Variants in BAZ2B observed in about 807,000 individuals in gnomAD.
BAZ2B encodes the protein bromodomain adjacent to zinc finger domain protein 2B.
Under a neutral mutation model 246.0 loss-of-function variants are expected in BAZ2B, and 91 were observed. The ratio of observed to expected loss-of-function variants is 0.37; its 90% CI spans 0.31 to 0.44. BAZ2B has a LOEUF of 0.44. Ranked by LOEUF, BAZ2B falls within the 20% of genes least tolerant of loss-of-function variation. The pLI, the probability that BAZ2B is intolerant of heterozygous loss-of-function variation, is 1.00. For synonymous variants in BAZ2B, 855 were observed against 860.0 expected (o/e 0.99, Z 0.10); for missense variants, 2,332 against 2,533.7 (o/e 0.92, Z 1.71).
At chr2:159,337,817 GC>G in intron 31 of BAZ2B, 45 bp from the exon 32 acceptor site, 1 of 1,551,116 alleles carries the variant, frequency 6.4e-7, no homozygotes. Flanking sequence ...CTCTTAAAAT[GC>G]TAGGTGGGTG....
chr2:159,443,664 T>C (rs1386467967), intron 6 of BAZ2B, among the ~76,000 whole-genome samples: 1 of 152,188 alleles, frequency 6.6e-6, no homozygotes, highest in Admixed American at 6.5e-5. Flanking sequence ...AGTTCTAGTA[T>C]GCCTCACTTG....
At chr2:159,699,891 T>C in the BAZ2B span, among the ~76,000 whole-genome samples, 1 of 152,222 alleles carries the variant, frequency 6.6e-6, no homozygotes, top group Non-Finnish European at 1.5e-5. Flanking sequence ...GACTGGTATC[T>C]GGTGAGAGCT....
At chr2:159,417,787 C>A (rs2068022193) in intron 13 of BAZ2B, among the ~76,000 whole-genome samples, 1 of 152,110 alleles carries the variant, frequency 6.6e-6, no homozygotes, top group African/African-American at 2.4e-5. Context: ...CCCTAAAGGA[C>A]CACATTTTTA....
chr2:159,710,081 T>C, the BAZ2B span, among the ~76,000 whole-genome samples: 1 of 152,198 alleles, frequency 6.6e-6, no homozygotes, highest in Non-Finnish European at 1.5e-5. Context: ...GGTGTCTAGA[T>C]TGTCTGGAAC....
intron 2 of BAZ2B, among the ~76,000 whole-genome samples, chr2:159,512,345 ACCT>A (rs1464742736): frequency 2.0e-5 from 3 of 152,196 alleles, no homozygotes; most frequent in African/African-American, 7.2e-5. Flanking sequence ...TGGCATTGTC[ACCT>A]CAAAAGTAAG....
At chr2:159,383,488 A>G in intron 24 of BAZ2B, 118 bp downstream of exon 24, 1 of 870,622 alleles carries the variant, frequency 1.1e-6, no homozygotes, top group Non-Finnish European at 1.8e-6. Flanking sequence ...ATCTAAATTG[A>G]GCATTATCTT....
chr2:159,379,087 C>A (rs185516034), intron 25 of BAZ2B, among the ~76,000 whole-genome samples: 2 of 152,170 alleles, frequency 1.3e-5, no homozygotes, highest in East Asian at 1.9e-4. Flanking sequence ...ATGGTGAAAG[C>A]AACCCAAGTG....
At chr2:159,385,565 C>T (rs1005529891) in intron 22 of BAZ2B, among the ~76,000 whole-genome samples, 196 bp from the exon 23 acceptor site, 2 of 151,786 alleles carry the variant, frequency 1.3e-5, no homozygotes, top group African/African-American at 4.8e-5. Flanking sequence ...CTTTCTTTCC[C>T]CGCTTCAAAT....
chr2:159,551,268 A>G (rs6711132), intron 2 of BAZ2B, among the ~76,000 whole-genome samples: 60,722 of 151,558 alleles, frequency 0.4, 12,353 homozygotes, highest in South Asian at 0.59. Context: ...AGGAGATCAA[A>G]ACCATCCTGG....
chr2:159,402,417 T>C (rs2065230613), intron 16 of BAZ2B, among the ~76,000 whole-genome samples: 1 of 152,032 alleles, frequency 6.6e-6, no homozygotes, highest in African/African-American at 2.4e-5. Context: ...GCCACTGAAT[T>C]CCAGCCTGGG....
chr2:159,649,299 G>C, the BAZ2B span, among the ~76,000 whole-genome samples: 4 of 152,054 alleles, frequency 2.6e-5, no homozygotes, highest in African/African-American at 9.6e-5. Context: ...CCATCTGGGG[G>C]TGATGGGAGA....
chr2:159,695,271 T>C, the BAZ2B span: 3 of 152,202 alleles, frequency 2.0e-5, no homozygotes, highest in African/African-American at 2.4e-5. Context: ...TTGTCATATA[T>C]AGGATTTACA....
intron 1 of BAZ2B, among the ~76,000 whole-genome samples, chr2:159,593,639 T>C (rs1012289097): frequency 3.3e-5 from 5 of 152,220 alleles, no homozygotes; most frequent in Non-Finnish European, 5.9e-5. Context: ...TGAAATTTCA[T>C]GCCTTCCCCC....
chr2:159,370,357 G>A (rs1395477757), intron 27 of BAZ2B, among the ~76,000 whole-genome samples: 2 of 144,496 alleles, frequency 1.4e-5, no homozygotes, highest in African/African-American at 2.5e-5. Flanking sequence ...CTGCTCTTAA[G>A]TCTCCTAGGC....
At chr2:159,645,428 T>G in the BAZ2B span, among the ~76,000 whole-genome samples, 51 of 152,118 alleles carry the variant, frequency 3.4e-4, 2 homozygotes, top group African/African-American at 7.2e-5. Flanking sequence ...GGTTTCAGAA[T>G]GAAACTGTTC....
At chr2:159,392,609 T>C (rs1409204487) in intron 20 of BAZ2B, among the ~76,000 whole-genome samples, 5 of 152,066 alleles carry the variant, frequency 3.3e-5, no homozygotes, top group African/African-American at 1.2e-4. Flanking sequence ...TCTTTGACTC[T>C]TGAGCCTGTA....
At position 159,347,612 on chromosome 2, in the gene BAZ2B, G is replaced by A. The variant is rs1461920862; in HGVS notation, c.5328C>T (p.Asn1776=). 2 of 1,611,570 alleles carry A rather than the reference G, an allele frequency of 1.2e-6. No homozygotes were observed. Among genetic ancestry groups the A allele is most frequent in the South Asian group, 2.2e-5 (2 of 90,924 alleles). ...TCTCCACAATATCTCGAGTTACTTG[G>A]TTTTCTTCATTTTCATTCAGTTCAA... ...AIIELNENEE[N]QVTRDIVENW... The change falls in exon 31 of 37, where the codon AAC becomes AAT. Residue 1776 remains asparagine, a synonymous_variant. Transcript: ENST00000392783.
chr2:159,601,611 C>T (rs1348617909), intron 1 of BAZ2B, among the ~76,000 whole-genome samples: 1 of 152,014 alleles, frequency 6.6e-6, no homozygotes, highest in Non-Finnish European at 1.5e-5. Flanking sequence ...ATTCCAGCTA[C>T]TCGGGAGGCT....
rs775247695 is a variant in BAZ2B, at chr2:159,457,674, T to TA, written c.146-3874dup. Among the ~76,000 whole-genome samples the TA allele has an allele frequency of 9.2e-5, 14 of 152,316 alleles. No homozygotes were observed. The South Asian group carries it at 2.1e-3, about 23-fold the overall frequency. On this transcript the variant is annotated intron_variant, in intron 3 of 36. Transcript: ENST00000392783. The stretch of plus-strand genomic sequence containing the variant: ...TACCACCTCCAGGATCTTAAACTCT[T>TA]AAAGTTTCACCCTTGAACCACAATT...
Sources: gnomAD v4.1 joint callset for allele counts (sites outside exome capture counted in the v4.1 genomes callset) on GRCh38, gnomAD v4.1.1 for gene constraint, MANE v1.5 for transcripts, NCBI Gene and HGNC (gene_info 2026-07-23, HGNC 2026-07-21) for gene names.